RP1: variants seen among roughly 807,000 people sequenced by gnomAD.
RP1 encodes RP1 axonemal microtubule associated.
Under a neutral mutation model 14.8 loss-of-function variants are expected in RP1, and 16 were observed. That is an observed-to-expected ratio of 1.08 (90% confidence interval 0.73 to 1.65). The LOEUF is 1.65. RP1 is among the 40% of genes most tolerant of loss of function. The pLI is 0.00. For synonymous variants in RP1, 876 were observed against 883.6 expected, an observed-to-expected ratio of 0.99 and a Z score of 0.15; for missense variants, 2,631 against 2,535.0, an observed-to-expected ratio of 1.04 and a Z score of -0.81.
exon 8 of RP1, chr8:54,673,901 G>T (rs1807235860): frequency 1.3e-6 from 2 of 1,535,916 alleles, no homozygotes; most frequent in Non-Finnish European, 1.7e-6. Flanking sequence ...GTGTAAGATT[G>T]TGATAGGCCA....
intron 1 of RP1, among the ~76,000 whole-genome samples, chr8:54,619,468 A>G (rs952678787): frequency 6.6e-6 from 1 of 152,228 alleles, no homozygotes; most frequent in African/African-American, 2.4e-5. Flanking sequence ...AAAAGACACT[A>G]ATAATTAAAA....
intron 14 of RP1, among the ~76,000 whole-genome samples, chr8:54,703,619 A>T (rs929960217): frequency 6.6e-6 from 1 of 152,208 alleles, no homozygotes; most frequent in African/African-American, 2.4e-5. Context: ...ATTAGCCCTT[A>T]ACAAGAGAGT....
In RP1 at chr8:54,621,095, C is replaced by T. The variant is rs1426147835; in HGVS notation, c.129C>T (p.Ser43=). The T allele has an allele frequency of 9.3e-6, 15 of 1,614,046 alleles. No individual in the cohort carries two copies. The East Asian group carries it at 2.5e-4, about 26-fold the overall frequency. ...CCAAGCGAATCAGTTTCTACAAGAGCGGAGACCCCCAATTCGGCGGGGTCA... is the reference window on the plus strand; with the variant it reads ...CCAAGCGAATCAGTTTCTACAAGAGTGGAGACCCCCAATTCGGCGGGGTCA... ...VVAKRISFYK[S]GDPQFGGVRV... Residue 43 remains serine, a synonymous_variant, in exon 2 of 4, where the codon AGC becomes AGT. Coordinates refer to ENST00000220676, the MANE Select transcript of RP1 (RefSeq NM_006269.2).
intron 19 of RP1, among the ~76,000 whole-genome samples, chr8:54,744,194 T>C (rs1181349535): frequency 7.2e-5 from 11 of 152,214 alleles, no homozygotes; most frequent in Non-Finnish European, 1.6e-4. Flanking sequence ...GATATGACCA[T>C]GGTGCAGAGG....
intron 6 of RP1, among the ~76,000 whole-genome samples, chr8:54,661,226 G>GAT (rs1186794995): frequency 3.5e-5 from 5 of 143,976 alleles, no homozygotes; most frequent in Non-Finnish European, 4.5e-5. Context: ...TATACATAAT[G>GAT]ATATATATAA....
At chr8:54,730,847 T>A (rs1040077744) in intron 17 of RP1, among the ~76,000 whole-genome samples, 2 of 152,118 alleles carry the variant, frequency 1.3e-5, no homozygotes, top group Non-Finnish European at 2.9e-5. Flanking sequence ...GTTAATTTTG[T>A]AGAAATAGAT....
At chr8:54,708,418 G>A (rs1466734424) in intron 15 of RP1, among the ~76,000 whole-genome samples, 9 of 150,940 alleles carry the variant, frequency 6.0e-5, no homozygotes, top group East Asian at 2.0e-4. Context: ...GTGCAGTGGC[G>A]CAATCTCGGC....
intron 27 of RP1, among the ~76,000 whole-genome samples, chr8:54,862,850 G>T (rs879538763): frequency 6.6e-6 from 1 of 151,996 alleles, no homozygotes; most frequent in Non-Finnish European, 1.5e-5. Context: ...TGGGCCTCTC[G>T]CATTGCAGAA....
Position 54,628,112 on chromosome 8 carries a change from T to G in RP1, c.4230T>G (p.Leu1410=). The change falls in exon 4 of 4, where the codon CTT becomes CTG. Residue 1410 remains leucine (L), a synonymous_variant. Transcript: ENST00000220676. ...GLCLSEKEAE[L]DKKHSSLDDF... ...GCCTAAGTGAAAAAGAAGCAGAACT[T>G]GATAAGAAACATAGTTCTCTAGATG... 1 of 1,613,956 alleles carries G rather than the reference T, an allele frequency of 6.2e-7. No individual in the cohort carries two copies. The highest frequency in any genetic ancestry group is 8.5e-7 in the Non-Finnish European group (1 of 1,179,898).
chr8:54,757,817 G>A (rs1809546671), intron 21 of RP1, among the ~76,000 whole-genome samples: 1 of 152,222 alleles, frequency 6.6e-6, no homozygotes, highest in South Asian at 2.1e-4. Flanking sequence ...CCCTTGTAAA[G>A]CCGTGCTGAG....
intron 22 of RP1, among the ~76,000 whole-genome samples, chr8:54,761,255 G>A: frequency 3.6e-5 from 1 of 27,714 alleles, no homozygotes; most frequent in Non-Finnish European, 7.5e-5. Context: ...TTTTTTTTTT[G>A]AGACGGAGTC....
chr8:54,755,504 CAT>C lies in RP1; in HGVS notation c.2942-110_2942-109del, dbSNP rs1175588148. The C allele has an allele frequency of 3.2e-5, 31 of 959,584 alleles. No individual in the cohort carries two copies. In the African/African-American group the frequency reaches 3.7e-4, roughly 11 times the overall value. 59.4% of individuals were successfully genotyped at this position (959,584 alleles called of 1,614,324 possible). ...AGAAAATCCAGATTACAGGAATTCT[CAT>C]ATATGTTTTTCTTTTTTTACTATAG... On this transcript the variant is annotated intron_variant, in intron 20 of 22. Coordinates refer to the RP1 transcript ENST00000636932.
chr8:54,768,100 G>T (rs747802091), intron 22 of RP1, among the ~76,000 whole-genome samples: 1 of 152,118 alleles, frequency 6.6e-6, no homozygotes, highest in Non-Finnish European at 1.5e-5. Flanking sequence ...AACCCCTGCC[G>T]CTACCCCATC....
intron 15 of RP1, among the ~76,000 whole-genome samples, chr8:54,717,677 T>C (rs1481616615): frequency 6.6e-6 from 1 of 152,144 alleles, no homozygotes; most frequent in Non-Finnish European, 1.5e-5. Flanking sequence ...GCTTTTTCTT[T>C]AAGATCAAGA....
intron 17 of RP1, among the ~76,000 whole-genome samples, chr8:54,729,606 G>A (rs182791795): frequency 1.3e-5 from 2 of 152,062 alleles, no homozygotes; most frequent in Admixed American, 1.3e-4. Context: ...CCCCCAAAGA[G>A]CACTTTAAAA....
chr8:54,616,452 GTTTAC>G (rs1805718229), intron 1 of RP1, among the ~76,000 whole-genome samples: 1 of 152,132 alleles, frequency 6.6e-6, no homozygotes, highest in South Asian at 2.1e-4. Flanking sequence ...AATGAGTAAT[GTTTAC>G]TTTGTTTCTG....
chr8:54,812,774 T>TATCTATC (rs1554535890), intron 24 of RP1, among the ~76,000 whole-genome samples: 2 of 147,448 alleles, frequency 1.4e-5, no homozygotes, highest in African/African-American at 2.5e-5. Flanking sequence ...TCTATCTATC[T>TATCTATC]ATCTATCTAT....
chr8:54,761,233 CTT>C (rs71554177), intron 22 of RP1, among the ~76,000 whole-genome samples: 14 of 109,166 alleles, frequency 1.3e-4, no homozygotes, highest in African/African-American at 1.7e-4. Flanking sequence ...CGCTACCTTA[CTT>C]TTTTTTTTTT....
chr8:54,674,034 C>G (rs1212097860), intron 8 of RP1: 9 of 828,306 alleles, frequency 1.1e-5, no homozygotes, highest in Non-Finnish European at 1.7e-5. Context: ...GAAAATGGAT[C>G]TCTATGTATT....
Sources: gnomAD v4.1 joint callset for allele counts (sites outside exome capture counted in the v4.1 genomes callset) on GRCh38, gnomAD v4.1.1 for gene constraint, MANE v1.5 for transcripts, NCBI Gene and HGNC (gene_info 2026-07-23, HGNC 2026-07-21) for gene names.